Variants in POLD1 observed in about 807,000 individuals in gnomAD.
POLD1 encodes DNA polymerase delta 1, catalytic subunit.
POLD1 carries 79 observed loss-of-function variants against 129.7 expected under a neutral mutation model. The ratio of observed to expected loss-of-function variants is 0.61; its 90% CI spans 0.51 to 0.73. The LOEUF (loss-of-function observed/expected upper bound fraction) is 0.73, where lower values mean the gene tolerates loss of function less well. Among genes scored for constraint, POLD1 ranks in the 30% least tolerant of loss-of-function variants. The pLI, the probability that POLD1 is intolerant of heterozygous loss-of-function variation, is 0.00. For missense variants in POLD1, 1,338 were observed against 1,595.8 expected (o/e 0.84, Z 2.75); for synonymous variants, 714 against 683.3 (o/e 1.04, Z -0.70).
At chr19:50,401,947 C>G in intron 4 of POLD1, 23 bp downstream of exon 4, 1 of 1,614,106 alleles carries the variant, frequency 6.2e-7, no homozygotes, top group Non-Finnish European at 8.5e-7. Context: ...TACCCAGCCC[C>G]TCCCTGAGCC....
chr19:50,417,674 C>T (rs2445839), intron 26 of POLD1, among the ~76,000 whole-genome samples, 168 bp from the exon 27 acceptor site: 2 of 110,322 alleles, frequency 1.8e-5, no homozygotes, highest in Admixed American at 8.3e-5. Context: ...TATCGGCTCC[C>T]CCCCCCCACC....
chr19:50,396,481 A>C (rs1383374237), intron 1 of POLD1, among the ~76,000 whole-genome samples: 2 of 150,154 alleles, frequency 1.3e-5, no homozygotes, highest in Non-Finnish European at 3.0e-5. Flanking sequence ...ATAATAATAT[A>C]TATATATATT....
In POLD1 at chr19:50,406,571, T is replaced by C. The variant is rs924460225; in HGVS notation, c.1494+54T>C. The C allele has an allele frequency of 2.3e-6, 3 of 1,321,268 alleles. No homozygotes were observed. Among genetic ancestry groups the C allele is most frequent in the Non-Finnish European group, 3.2e-6 (3 of 939,580 alleles). 81.8% of individuals were successfully genotyped at this position (1,321,268 alleles called of 1,614,324 possible). The stretch of plus-strand genomic sequence containing the variant: ...CCAACCTCTGACCTCCACCTCACCC[T>C]TCCCCGGCCTCTGACCTCAACTTCA... On this transcript the variant is annotated intron_variant, in intron 12 of 26. Coordinates refer to ENST00000440232, the MANE Select transcript of POLD1 (RefSeq NM_002691.4). The surrounding 1 kb of genome is among the most constrained non-coding windows in gnomAD (Gnocchi z 5.5).
chr19:50,395,876 CTTTTTTTTTTTTT>C (rs774272686), intron 1 of POLD1, among the ~76,000 whole-genome samples: 4 of 73,658 alleles, frequency 5.4e-5, no homozygotes, highest in Admixed American at 2.2e-4. Flanking sequence ...AGGATATATA[CTTTTTTTTTTTTT>C]TTTTTTTTTT....
rs75874199 is a variant in POLD1, at chr19:50,415,501, C to T, written c.2628C>T (p.Ile876=). The change falls in exon 21 of 27, where the codon ATC becomes ATT. Residue 876 remains isoleucine (I), a synonymous_variant. Coordinates refer to ENST00000440232, the MANE Select transcript of POLD1 (RefSeq NM_002691.4). The stretch of plus-strand genomic sequence containing the variant: ...TCTCGGACCTGCTGTGCAACCGCAT[C>T]GATATCTCCCAGCTGGTCATCACCA... The part of the protein sequence containing the change: ...DVISDLLCNR[I]DISQLVITKE... 1,499 of 1,613,366 alleles carry T rather than the reference C, an allele frequency of 9.3e-4. 25 individuals carry two copies. The East Asian group carries it at 0.025, about 27-fold the overall frequency.
chr19:50,386,390 G>A (rs1216986647), intron 1 of POLD1, among the ~76,000 whole-genome samples: 1 of 151,630 alleles, frequency 6.6e-6, no homozygotes, highest in Non-Finnish European at 1.5e-5. Flanking sequence ...CTCCCACCTC[G>A]GCCTCCCAAA....
chr19:50,403,261 C>T lies in POLD1; in HGVS notation c.1137+42C>T, dbSNP rs564899107. 250 of 1,497,898 alleles carry T rather than the reference C, an allele frequency of 1.7e-4. No homozygotes were observed. The Admixed American group carries it at 4.0e-3, about 24-fold the overall frequency. The allele number at this position is 1,497,898 out of a possible 1,614,324, so 92.8% of individuals were successfully genotyped here. On this transcript the variant is annotated intron_variant, in intron 9 of 26. Transcript: ENST00000440232. Reference sequence around the variant, plus strand: ...GCCCCACACCATTTCCCGGGGTCCCCGCCAGCCTCCGCGTCCTGAGCCATC... The same window carrying T: ...GCCCCACACCATTTCCCGGGGTCCCTGCCAGCCTCCGCGTCCTGAGCCATC...
At chr19:50,392,421 C>T (rs939013007) in intron 1 of POLD1, among the ~76,000 whole-genome samples, 2 of 152,030 alleles carry the variant, frequency 1.3e-5, no homozygotes, top group Non-Finnish European at 2.9e-5. Flanking sequence ...ATGACATCGA[C>T]AGTTTTAAAG....
intron 26 of POLD1, among the ~76,000 whole-genome samples, 160 bp from the exon 27 acceptor site, chr19:50,417,682 A>ACC (rs1181000676): frequency 2.6e-5 from 2 of 77,434 alleles, no homozygotes; most frequent in Non-Finnish European, 4.8e-5. Flanking sequence ...CCCCCCCCCC[A>ACC]CCCCCCCCGT....
chr19:50,409,182 G>A lies in POLD1; in HGVS notation c.1953G>A (p.Val651=). 1.2e-6 allele frequency: 2 copies of A among 1,613,858 alleles called. No individual in the cohort carries two copies. Among genetic ancestry groups the A allele is most frequent in the Non-Finnish European group, 1.7e-6 (2 of 1,179,846 alleles). Reference sequence around the variant, plus strand: ...GGGACGAGTTTGTGAAGACCTCAGTGCGGAAGGGGCTGCTGCCCCAGATCC... The same window carrying A: ...GGGACGAGTTTGTGAAGACCTCAGTACGGAAGGGGCTGCTGCCCCAGATCC... ...PTGDEFVKTS[V]RKGLLPQILE... The change falls in exon 16 of 27, where the codon GTG becomes GTA. Residue 651 remains valine (V), a synonymous_variant. Coordinates refer to ENST00000440232, the MANE Select transcript of POLD1 (RefSeq NM_002691.4). This position sits in a 1 kb window ranked among gnomAD's most constrained non-coding sequence, Gnocchi z 5.8.
At chr19:50,417,684 C>G (rs1045181951) in intron 26 of POLD1, among the ~76,000 whole-genome samples, 158 bp from the exon 27 acceptor site, 9 of 143,818 alleles carry the variant, frequency 6.3e-5, no homozygotes, top group South Asian at 2.2e-4. Context: ...CCCCCCCCAC[C>G]CCCCCCGTGC....
Position 50,406,064 on chromosome 19 carries a change from G to C in POLD1, c.1243-118G>C. 1 of 1,230,992 alleles carries C rather than the reference G, an allele frequency of 8.1e-7. No individual in the cohort carries two copies. Among genetic ancestry groups the C allele is most frequent in the Non-Finnish European group, 1.1e-6 (1 of 870,662 alleles). 76.3% of individuals were successfully genotyped at this position (1,230,992 alleles called of 1,614,324 possible). On this transcript the variant is annotated intron_variant, in intron 10 of 26. Transcript: ENST00000440232. The surrounding 1 kb of genome is among the most constrained non-coding windows in gnomAD (Gnocchi z 5.5). ...CCCAGACCGTCTTTCTGCCCCCAGG[G>C]TTGCTCTCGACCCCCTAGGGTTGTT...
intron 1 of POLD1, among the ~76,000 whole-genome samples, chr19:50,394,527 C>T (rs1336564077): frequency 3.3e-5 from 5 of 151,942 alleles, no homozygotes; most frequent in East Asian, 3.9e-4. Flanking sequence ...TGATGGTGGA[C>T]GCCTGTAATC....
At chr19:50,415,693 C>T (rs533297555) in intron 21 of POLD1, 31 bp from the exon 22 acceptor site, 6 of 1,507,728 alleles carry the variant, frequency 4.0e-6, no homozygotes, top group African/African-American at 1.4e-5. Flanking sequence ...CCCACCTGCC[C>T]TCACCCACCC....
chr19:50,414,941 C>G lies in POLD1; in HGVS notation c.2515C>G (p.Leu839Val), dbSNP rs878854538. The change falls in exon 20 of 27, where the codon CTC becomes GTC. Residue 839 changes from leucine (L) to valine (V), a missense_variant. Physicochemically the swap from Leu to Val is conservative, Grantham distance 32. Transcript: ENST00000440232. ...LEAVRRDNCP[L>V]VANLVTASLR... ...GGCCGTGCGCAGGGACAACTGCCCCCTCGTGGCCAACCTGGTCACTGCCTC... is the reference window on the plus strand; with the variant it reads ...GGCCGTGCGCAGGGACAACTGCCCCGTCGTGGCCAACCTGGTCACTGCCTC... 1 of 1,608,724 alleles carries G rather than the reference C, an allele frequency of 6.2e-7. No individual in the cohort carries two copies. Among genetic ancestry groups the G allele is most frequent in the Non-Finnish European group, 8.5e-7 (1 of 1,177,006 alleles).
In POLD1 at chr19:50,414,992, T is replaced by C; in HGVS notation, c.2564+2T>C. The stretch of plus-strand genomic sequence containing the variant: ...ACTGCGCCGCCTGCTCATCGACCGG[T>C]GTGTGGGGCCTCCTCCCTCAGACTC... On this transcript the variant is annotated splice_donor_variant, in intron 20 of 26. Transcript: ENST00000440232. LOFTEE classifies it high-confidence loss of function. 1 of 1,565,588 alleles carries C rather than the reference T, an allele frequency of 6.4e-7. No homozygotes were observed. Among genetic ancestry groups the C allele is most frequent in the Non-Finnish European group, 8.7e-7 (1 of 1,154,668 alleles).
intron 1 of POLD1, among the ~76,000 whole-genome samples, chr19:50,385,639 G>A (rs559746574): frequency 4.0e-5 from 6 of 150,742 alleles, no homozygotes; most frequent in Admixed American, 3.3e-4. Flanking sequence ...GGCGAGTCTC[G>A]TGCCTCAGCC....
chr19:50,410,342 T>G (rs569985258), intron 17 of POLD1, among the ~76,000 whole-genome samples: 3 of 152,206 alleles, frequency 2.0e-5, no homozygotes, highest in African/African-American at 7.2e-5. Flanking sequence ...CCAGTAGTTG[T>G]GCTGCTCTGC....
In POLD1 at chr19:50,402,224, G is replaced by T. The variant is rs2038673020; in HGVS notation, c.609G>T (p.Gly203=). The T allele has an allele frequency of 6.3e-7, 1 of 1,586,364 alleles. No homozygotes were observed. The change falls in exon 6 of 27, where the codon GGG becomes GGT. Residue 203 remains glycine, a synonymous_variant. Coordinates refer to ENST00000440232, the MANE Select transcript of POLD1 (RefSeq NM_002691.4). ...CCACAGGCATGTTTGGGTACCACGG[G>T]CACGGCCCCTCCCCGTTCCTGCGCA... ...CSRESMFGYH[G]HGPSPFLRIT...
Sources: gnomAD v4.1 joint callset for allele counts (sites outside exome capture counted in the v4.1 genomes callset) on GRCh38, gnomAD v4.1.1 for gene constraint, Gnocchi (gnomAD v3.1) non-coding constraint, MANE v1.5 for transcripts, NCBI Gene and HGNC (gene_info 2026-07-23, HGNC 2026-07-21) for gene names.